Variants in CABIN1 observed in about 807,000 individuals in gnomAD.
CABIN1 encodes calcineurin binding protein 1, also known as calcineurin-binding protein cabin-1.
CABIN1 carries 133 observed loss-of-function variants against 227.7 expected under a neutral mutation model. That is an observed-to-expected ratio of 0.58 (90% confidence interval 0.51 to 0.67). CABIN1 has a LOEUF of 0.67. Ranked by LOEUF, CABIN1 falls within the 30% of genes least tolerant of loss-of-function variation. The pLI is 0.00. For missense variants in CABIN1, 2,408 were observed against 2,852.5 expected (o/e 0.84, Z 3.55); for synonymous variants, 1,086 against 1,155.1 (o/e 0.94, Z 1.21).
At chr22:24,072,565 C>T in intron 18 of CABIN1, 55 bp downstream of exon 18, 1 of 1,604,648 alleles carries the variant, frequency 6.2e-7, no homozygotes, top group Non-Finnish European at 8.5e-7. Context: ...GTCCTTGCCC[C>T]TGTCCTCTGC....
At chr22:24,035,024 T>G (rs142645369) in intron 1 of CABIN1, among the ~76,000 whole-genome samples, 39 of 152,330 alleles carry the variant, frequency 2.6e-4, no homozygotes, top group African/African-American at 8.7e-4. Flanking sequence ...TTCACTGTCT[T>G]CCACTGCAGT....
At chr22:24,125,723 C>T (rs947365648) in intron 28 of CABIN1, among the ~76,000 whole-genome samples, 1 of 152,220 alleles carries the variant, frequency 6.6e-6, no homozygotes, top group African/African-American at 2.4e-5. Context: ...GGTGGTGTGC[C>T]CTGCATCCTC....
chr22:24,038,657 A>G (rs1403994944), intron 4 of CABIN1, among the ~76,000 whole-genome samples, 196 bp downstream of exon 4: 1 of 152,242 alleles, frequency 6.6e-6, no homozygotes, highest in Non-Finnish European at 1.5e-5. Context: ...GAGTAAATCC[A>G]GTGAAGCATG....
chr22:24,095,661 A>G (rs565658856), intron 24 of CABIN1, among the ~76,000 whole-genome samples: 1 of 152,142 alleles, frequency 6.6e-6, no homozygotes, highest in South Asian at 2.1e-4. Context: ...AAGGGTTATC[A>G]TAATGAGTGG....
At chr22:24,155,705 G>C (rs1336053813) in intron 29 of CABIN1, 4 of 278,342 alleles carry the variant, frequency 1.4e-5, no homozygotes, top group African/African-American at 8.8e-5. Context: ...CATTCACATA[G>C]GCACCGCCTG....
At chr22:24,084,459 T>C (rs1385665034) in intron 20 of CABIN1, 120 bp from the exon 21 acceptor site, 1 of 871,068 alleles carries the variant, frequency 1.1e-6, no homozygotes, top group East Asian at 2.4e-5. Context: ...TGTTTTAGGC[T>C]CTCCAATATG....
intron 1 of CABIN1, among the ~76,000 whole-genome samples, chr22:24,026,248 A>G (rs1454191591): frequency 6.6e-6 from 1 of 152,202 alleles, no homozygotes; most frequent in Non-Finnish European, 1.5e-5. Context: ...TACTGGGATT[A>G]TAGGTGTGAA....
chr22:24,031,620 G>C (rs1019149226), intron 1 of CABIN1, among the ~76,000 whole-genome samples: 1 of 152,218 alleles, frequency 6.6e-6, no homozygotes, highest in African/African-American at 2.4e-5. Flanking sequence ...CAGCAGTTCA[G>C]ACGGAGGCTA....
At chr22:24,169,963 TG>T (rs1207187257) in intron 33 of CABIN1, among the ~76,000 whole-genome samples, 1 of 152,134 alleles carries the variant, frequency 6.6e-6, no homozygotes, top group African/African-American at 2.4e-5. Flanking sequence ...AGACACAGCC[TG>T]GGTTATGGGG....
chr22:24,102,381 A>G (rs2042254455), intron 26 of CABIN1: 1 of 152,234 alleles, frequency 6.6e-6, no homozygotes, highest in East Asian at 1.9e-4. Flanking sequence ...AAGGCCTCAG[A>G]GCTCGGAGGC....
chr22:24,098,578 C>T (rs892612344), intron 26 of CABIN1, among the ~76,000 whole-genome samples: 1 of 152,144 alleles, frequency 6.6e-6, no homozygotes, highest in African/African-American at 2.4e-5. Context: ...CTGCATTGTT[C>T]AGCAGCACAT....
chr22:24,055,282 G>A lies in CABIN1; in HGVS notation c.1093+123G>A, dbSNP rs1204886823. ...GGTCATGCTGATGCTCATGACTCAA[G>A]TGGAAGTGGGAGCCCCCAGCCCTAG... On this transcript the variant is annotated intron_variant, in intron 9 of 36. Coordinates refer to ENST00000263119, the MANE Select transcript of CABIN1 (RefSeq NM_012295.4). The A allele has an allele frequency of 1.3e-5, 15 of 1,155,336 alleles. No homozygotes were observed. In the East Asian group the frequency reaches 2.6e-4, roughly 20 times the overall value. The allele number at this position is 1,155,336 out of a possible 1,614,324, so 71.6% of individuals were successfully genotyped here.
At chr22:24,065,968 C>T (rs1371695878) in intron 15 of CABIN1, among the ~76,000 whole-genome samples, 3 of 152,312 alleles carry the variant, frequency 2.0e-5, no homozygotes, top group Non-Finnish European at 2.9e-5. Context: ...AGTCCAGCTT[C>T]GGCTTGGCAT....
intron 26 of CABIN1, among the ~76,000 whole-genome samples, chr22:24,108,571 T>C (rs1218523707): frequency 6.6e-6 from 1 of 152,242 alleles, no homozygotes; most frequent in Non-Finnish European, 1.5e-5. Flanking sequence ...CTCATTGTTC[T>C]GTCAGCCCAG....
rs1418401620 is a variant in CABIN1, at chr22:24,070,892, T to C, written c.2325T>C (p.Gly775=). The change falls in exon 17 of 37, where the codon GGT becomes GGC. Residue 775 remains glycine (G), a synonymous_variant. Transcript: ENST00000263119. ...NEAVQQMVNS[G]EAAAKEEWVA... The stretch of plus-strand genomic sequence containing the variant: ...CTGTCCAGCAGATGGTGAACTCAGG[T>C]GAGGCTGCCGCCAAGGAGGAGTGGG... The C allele has an allele frequency of 1.9e-6, 3 of 1,614,206 alleles. No individual in the cohort carries two copies. The highest frequency in any genetic ancestry group is 2.5e-6 in the Non-Finnish European group (3 of 1,180,024).
intron 29 of CABIN1, among the ~76,000 whole-genome samples, chr22:24,151,089 A>G (rs2045457040): frequency 6.6e-6 from 1 of 152,122 alleles, no homozygotes; most frequent in South Asian, 2.1e-4. Context: ...ATGTGAGCCT[A>G]CTTGGGAACC....
chr22:24,079,430 A>G (rs2146953602), intron 19 of CABIN1, among the ~76,000 whole-genome samples: 1 of 151,826 alleles, frequency 6.6e-6, no homozygotes, highest in South Asian at 2.1e-4. Context: ...AAAAGGAACT[A>G]CTGGATCACA....
intron 19 of CABIN1, among the ~76,000 whole-genome samples, chr22:24,078,844 CTT>C (rs78881705): frequency 0.068 from 10,426 of 152,244 alleles, 374 homozygotes; most frequent in East Asian, 0.16. Context: ...CCCTCACTCT[CTT>C]GAAGCTGGTT....
intron 29 of CABIN1, among the ~76,000 whole-genome samples, chr22:24,145,362 C>G (rs1046756353): frequency 6.6e-6 from 1 of 152,322 alleles, no homozygotes; most frequent in Non-Finnish European, 1.5e-5. Context: ...TTTGGCACTT[C>G]TACATACAAT....
Sources: allele counts gnomAD v4.1 joint callset (sites outside exome capture counted in the v4.1 genomes callset), GRCh38; gene constraint gnomAD v4.1.1; transcripts MANE v1.5; gene names NCBI Gene and HGNC (gene_info 2026-07-23, HGNC 2026-07-21).